Variants in COL15A1 observed in about 807,000 individuals in gnomAD.
COL15A1 encodes collagen alpha-1(XV) chain.
A neutral mutation model predicts 165.9 loss-of-function variants in COL15A1; 111 were observed. The observed-to-expected ratio is 0.67, with a 90% CI of 0.57 to 0.78. The LOEUF (loss-of-function observed/expected upper bound fraction) is 0.78. COL15A1 is among the 30% of genes least tolerant of loss of function. COL15A1 has a pLI of 0.00. For missense variants in COL15A1, 1,745 were observed against 1,789.7 expected, an observed-to-expected ratio of 0.98 and a Z score of 0.45; for synonymous variants, 659 against 674.8, an observed-to-expected ratio of 0.98 and a Z score of 0.36.
chr9:98,993,045 G>A (rs1838474727), intron 5 of COL15A1, among the ~76,000 whole-genome samples: 1 of 152,174 alleles, frequency 6.6e-6, no homozygotes, highest in African/African-American at 2.4e-5. Flanking sequence ...GGGAACTGGT[G>A]CATATCAGAG....
intron 2 of COL15A1, among the ~76,000 whole-genome samples, chr9:98,955,633 A>G (rs1837764757): frequency 6.6e-6 from 1 of 152,268 alleles, no homozygotes; most frequent in African/African-American, 2.4e-5. Context: ...GAGAGTAGGC[A>G]CTGCCTATAG....
chr9:98,948,946 A>C (rs1006545809), intron 2 of COL15A1, among the ~76,000 whole-genome samples: 1 of 152,246 alleles, frequency 6.6e-6, no homozygotes, highest in African/African-American at 2.4e-5. Flanking sequence ...AATCCAGATG[A>C]AGATATAGGA....
At chr9:98,979,647 T>TTTATTATTATTA (rs55884863) in intron 2 of COL15A1, among the ~76,000 whole-genome samples, 1 of 149,992 alleles carries the variant, frequency 6.7e-6, no homozygotes, top group South Asian at 2.1e-4. Flanking sequence ...AGGGATTATC[T>TTTATTATTATTA]TTATTATTAT....
chr9:98,987,450 C>A, intron 4 of COL15A1, 82 bp downstream of exon 4: 1 of 1,322,506 alleles, frequency 7.6e-7, no homozygotes, highest in Non-Finnish European at 1.0e-6. Context: ...CAGACAGTGG[C>A]GTGGAGTTTC....
At chr9:99,031,358 G>A (rs569351587) in intron 16 of COL15A1, among the ~76,000 whole-genome samples, 14 of 152,248 alleles carry the variant, frequency 9.2e-5, no homozygotes, top group African/African-American at 3.4e-4. Flanking sequence ...CATGCCCCCA[G>A]GTGAGAGGCA....
intron 2 of COL15A1, among the ~76,000 whole-genome samples, chr9:98,982,186 G>C (rs556872513): frequency 2.0e-5 from 3 of 151,666 alleles, no homozygotes; most frequent in Admixed American, 2.0e-4. Flanking sequence ...TGGCATGATC[G>C]TATTTCATTG....
intron 2 of COL15A1, among the ~76,000 whole-genome samples, chr9:98,946,074 A>G (rs1837579574): frequency 6.6e-6 from 1 of 152,238 alleles, no homozygotes; most frequent in Non-Finnish European, 1.5e-5. Context: ...ATTCCTAAAA[A>G]TGTAAACTAT....
intron 2 of COL15A1, among the ~76,000 whole-genome samples, chr9:98,981,803 A>C (rs1321657510): frequency 5.3e-5 from 8 of 152,060 alleles, no homozygotes; most frequent in African/African-American, 1.7e-4. Context: ...GTTCCTCATA[A>C]TATTATAATT....
intron 2 of COL15A1, among the ~76,000 whole-genome samples, chr9:98,948,510 A>C (rs1837622692): frequency 6.6e-6 from 1 of 150,962 alleles, no homozygotes; most frequent in South Asian, 2.1e-4. Context: ...AGGCAGGAGA[A>C]TAGCTTGAAC....
chr9:98,958,738 C>G (rs941404861), intron 2 of COL15A1, among the ~76,000 whole-genome samples: 2 of 151,974 alleles, frequency 1.3e-5, no homozygotes, highest in African/African-American at 4.8e-5. Context: ...ATTTTCTCGG[C>G]GGAGGGAAGT....
chr9:99,048,121 C>T lies in COL15A1; in HGVS notation c.2793+121C>T, dbSNP rs541774333. On this transcript the variant is annotated intron_variant, in intron 28 of 41. Coordinates refer to ENST00000375001, the MANE Select transcript of COL15A1 (RefSeq NM_001855.5). The stretch of plus-strand genomic sequence containing the variant: ...GAATGTTGTTCTTCTTCCTTCACTG[C>T]CACTGCCAAAGGTCCTCCCACCCAG... 5.7e-4 allele frequency: 417 copies of T among 727,032 alleles called. No homozygotes were observed. The African/African-American group carries it at 6.0e-3, about 10-fold the overall frequency. The allele number at this position is 727,032 out of a possible 1,614,324, so 45.0% of individuals were successfully genotyped here. A position where few individuals can be genotyped will look rare whatever the true frequency, so the allele number is the denominator to read the frequency against.
At chr9:99,063,930 G>T (rs532560263) in intron 39 of COL15A1, among the ~76,000 whole-genome samples, 2 of 152,090 alleles carry the variant, frequency 1.3e-5, no homozygotes, top group South Asian at 2.1e-4. Context: ...TCATTGCTGG[G>T]ATTAGAAAGT....
chr9:99,026,690 T>G (rs1839131822), intron 16 of COL15A1, among the ~76,000 whole-genome samples: 1 of 152,212 alleles, frequency 6.6e-6, no homozygotes, highest in Non-Finnish European at 1.5e-5. Context: ...GGGATGTCCT[T>G]TTCCTTTTGT....
At chr9:99,002,338 C>T (rs1398839306) in intron 7 of COL15A1, among the ~76,000 whole-genome samples, 1 of 152,076 alleles carries the variant, frequency 6.6e-6, no homozygotes, top group Non-Finnish European at 1.5e-5. Flanking sequence ...AGACACCAGT[C>T]CCTGAGCCTC....
At chr9:99,063,004 T>C (rs1167852941) in intron 38 of COL15A1, 46 bp from the exon 39 acceptor site, 1 of 1,570,760 alleles carries the variant, frequency 6.4e-7, no homozygotes, top group Non-Finnish European at 8.6e-7. Flanking sequence ...GAAGAACAGA[T>C]TGAATGCATA....
chr9:99,005,121 G>T (rs1461291499), intron 9 of COL15A1, 71 bp downstream of exon 9: 9 of 1,458,338 alleles, frequency 6.2e-6, no homozygotes, highest in Non-Finnish European at 8.3e-6. Flanking sequence ...AGAGTGTGGG[G>T]CTCCTGCTCA....
chr9:99,053,477 G>A (rs1261605252), intron 31 of COL15A1, among the ~76,000 whole-genome samples: 1 of 152,236 alleles, frequency 6.6e-6, no homozygotes, highest in Non-Finnish European at 1.5e-5. Context: ...GCCTCCCCTG[G>A]AAGGAGGGGG....
chr9:98,982,905 A>T (rs992484307), intron 2 of COL15A1, among the ~76,000 whole-genome samples: 4 of 152,142 alleles, frequency 2.6e-5, no homozygotes, highest in Non-Finnish European at 5.9e-5. Flanking sequence ...AAGTGTTGGG[A>T]TTACAGTTGT....
At chr9:98,971,177 G>A (rs776008910) in intron 2 of COL15A1, among the ~76,000 whole-genome samples, 3 of 152,148 alleles carry the variant, frequency 2.0e-5, no homozygotes, top group African/African-American at 7.2e-5. Flanking sequence ...GTCCTGTGTC[G>A]CCTTGGAATG....
Sources: gnomAD v4.1 joint callset for allele counts (sites outside exome capture counted in the v4.1 genomes callset) on GRCh38, gnomAD v4.1.1 for gene constraint, MANE v1.5 for transcripts, NCBI Gene and HGNC (gene_info 2026-07-23, HGNC 2026-07-21) for gene names.